Variants in CPNE8 observed in about 807,000 individuals in gnomAD.
CPNE8 encodes copine-8.
A neutral mutation model predicts 81.5 loss-of-function variants in CPNE8; 45 were observed. The observed-to-expected ratio is 0.55, with a 90% CI of 0.44 to 0.71. The LOEUF is 0.71. Among genes scored for constraint, CPNE8 ranks in the 30% least tolerant of loss-of-function variants. The probability of loss-of-function intolerance (pLI) is 0.00; values close to 1 mark genes in which losing one functional copy is unlikely to be tolerated. For missense variants in CPNE8, 594 were observed against 672.1 expected, an observed-to-expected ratio of 0.88 and a Z score of 1.28; for synonymous variants, 252 against 226.3, an observed-to-expected ratio of 1.11 and a Z score of -1.02.
intron 13 of CPNE8, among the ~76,000 whole-genome samples, chr12:38,716,851 C>A (rs919686364): frequency 5.3e-5 from 8 of 152,092 alleles, no homozygotes; most frequent in Non-Finnish European, 7.4e-5. Flanking sequence ...AGTAAACAGA[C>A]AACCCACACA....
At chr12:38,709,347 T>A (rs978152662) in intron 13 of CPNE8, among the ~76,000 whole-genome samples, 7 of 152,210 alleles carry the variant, frequency 4.6e-5, no homozygotes, top group African/African-American at 1.7e-4. Context: ...CCAAACTTTA[T>A]TGCATCTTCA....
chr12:38,729,297 T>C (rs529703712), intron 11 of CPNE8, among the ~76,000 whole-genome samples: 1 of 152,176 alleles, frequency 6.6e-6, no homozygotes, highest in South Asian at 2.1e-4. Flanking sequence ...AACTAATGCA[T>C]AATCTTTGTC....
rs1007610932 is a variant in CPNE8 at position 38,762,016 on chromosome 12, C to A, written c.680+96G>T. 5.4e-4 allele frequency: 288 copies of A among 531,808 alleles called. 2 individuals are homozygous for A. Among genetic ancestry groups the A allele is most frequent in the Non-Finnish European group, 6.7e-4 (218 of 323,136 alleles). 32.9% of individuals were successfully genotyped at this position (531,808 alleles called of 1,614,324 possible). A position where few individuals can be genotyped will look rare whatever the true frequency, so the allele number is the denominator to read the frequency against. On this transcript the variant is annotated intron_variant, in intron 9 of 19. Transcript: ENST00000331366. ...TTTCATTTTTGGAAAATAAGTTTAA[C>A]CAAATTTTAATTAGCCAACTTATCC... is the stretch of plus-strand genomic sequence containing the variant.
At chr12:38,859,350 C>G (rs1035289028) in intron 3 of CPNE8, among the ~76,000 whole-genome samples, 2 of 151,896 alleles carry the variant, frequency 1.3e-5, no homozygotes, top group Admixed American at 1.3e-4. Flanking sequence ...CTAACAGAAT[C>G]AGAAAGAATA....
chr12:38,759,865 C>G (rs1362301459), intron 10 of CPNE8, among the ~76,000 whole-genome samples: 3 of 152,332 alleles, frequency 2.0e-5, no homozygotes, highest in African/African-American at 7.2e-5. Context: ...TCTGCCAATG[C>G]AGCAGAAGGG....
chr12:38,884,703 C>A (rs1944213827), intron 1 of CPNE8, among the ~76,000 whole-genome samples: 1 of 151,392 alleles, frequency 6.6e-6, no homozygotes, highest in African/African-American at 2.4e-5. Context: ...TATTGTCAGT[C>A]TTTTTTTTTA....
At chr12:38,794,092 C>T (rs2136935973) in intron 6 of CPNE8, among the ~76,000 whole-genome samples, 1 of 152,050 alleles carries the variant, frequency 6.6e-6, no homozygotes, top group South Asian at 2.1e-4. Flanking sequence ...AAACATAATC[C>T]CCCAAAAGAA....
intron 15 of CPNE8, among the ~76,000 whole-genome samples, chr12:38,692,492 G>A (rs758038123): frequency 2.0e-5 from 3 of 152,138 alleles, no homozygotes; most frequent in Admixed American, 6.5e-5. Context: ...TCTGATGAGC[G>A]TTTCCTTTGA....
At chr12:38,866,539 A>G (rs1215107702) in intron 3 of CPNE8, among the ~76,000 whole-genome samples, 1 of 152,160 alleles carries the variant, frequency 6.6e-6, no homozygotes, top group East Asian at 1.9e-4. Flanking sequence ...TTTCTCTAAG[A>G]CAAAAATGAA....
At chr12:38,903,070 C>G (rs1027633503) in intron 1 of CPNE8, among the ~76,000 whole-genome samples, 2 of 152,160 alleles carry the variant, frequency 1.3e-5, no homozygotes, top group Non-Finnish European at 2.9e-5. Flanking sequence ...CAAGATCCAA[C>G]AATACTCAAA....
At chr12:38,710,268 C>CAAAAA (rs57376063) in intron 13 of CPNE8, among the ~76,000 whole-genome samples, 21,675 of 50,706 alleles carry the variant, frequency 0.43, 5,140 homozygotes, top group Non-Finnish European at 0.59. Context: ...AATAAGCTAA[C>CAAAAA]AAAAAAAAAA....
intron 6 of CPNE8, among the ~76,000 whole-genome samples, chr12:38,806,925 A>C (rs1281304956): frequency 1.3e-5 from 2 of 150,544 alleles, no homozygotes; most frequent in African/African-American, 4.8e-5. Context: ...AAATCAATGT[A>C]CAAAAATCAC....
intron 3 of CPNE8, among the ~76,000 whole-genome samples, chr12:38,869,156 T>A (rs1464510626): frequency 6.6e-6 from 1 of 152,146 alleles, no homozygotes; most frequent in Non-Finnish European, 1.5e-5. Flanking sequence ...CACAGCTTCA[T>A]ATTAGGTTTG....
chr12:38,682,058 A>G (rs1939420682), intron 16 of CPNE8, among the ~76,000 whole-genome samples: 1 of 151,756 alleles, frequency 6.6e-6, no homozygotes, highest in Non-Finnish European at 1.5e-5. Context: ...CGTCTCTTCT[A>G]AAGATACAAA....
intron 4 of CPNE8, 81 bp downstream of exon 4, chr12:38,848,478 C>T (rs183926235): frequency 6.9e-7 from 1 of 1,445,476 alleles, no homozygotes; most frequent in East Asian, 2.6e-5. Flanking sequence ...GAACTCAGTG[C>T]AACCATAGGA....
At chr12:38,695,876 G>A (rs911329510) in intron 14 of CPNE8, among the ~76,000 whole-genome samples, 1 of 151,992 alleles carries the variant, frequency 6.6e-6, no homozygotes, top group Admixed American at 6.6e-5. Context: ...GGAGGTCAAG[G>A]GTGCAGTGAG....
intron 11 of CPNE8, among the ~76,000 whole-genome samples, chr12:38,727,336 G>C (rs1940726806): frequency 6.6e-6 from 1 of 152,144 alleles, no homozygotes; most frequent in South Asian, 2.1e-4. Flanking sequence ...CATTGGAGGG[G>C]ACAGAATGGG....
At chr12:38,812,695 G>A (rs1157487765) in intron 6 of CPNE8, among the ~76,000 whole-genome samples, 1 of 152,110 alleles carries the variant, frequency 6.6e-6, no homozygotes, top group African/African-American at 2.4e-5. Context: ...AGTCATGAGG[G>A]CTCCATCCCC....
chr12:38,774,969 A>T (rs1941896805), intron 7 of CPNE8, among the ~76,000 whole-genome samples: 1 of 152,092 alleles, frequency 6.6e-6, no homozygotes, highest in Non-Finnish European at 1.5e-5. Context: ...TTGTTATCTC[A>T]CTGTTCTACT....
Sources: allele counts gnomAD v4.1 joint callset (sites outside exome capture counted in the v4.1 genomes callset), GRCh38; gene constraint gnomAD v4.1.1; transcripts MANE v1.5; gene names NCBI Gene and HGNC (gene_info 2026-07-23, HGNC 2026-07-21).